Variants in DIAPH2 observed in about 807,000 individuals in gnomAD.
DIAPH2 encodes the protein protein diaphanous homolog 2.
Under a neutral mutation model 92.7 loss-of-function variants are expected in DIAPH2, and 35 were observed. The ratio of observed to expected loss-of-function variants is 0.38; its 90% CI spans 0.29 to 0.50. The LOEUF (loss-of-function observed/expected upper bound fraction) is 0.50. Among genes scored for constraint, DIAPH2 ranks in the 20% least tolerant of loss-of-function variants. The pLI is 0.94. For synonymous variants in DIAPH2, 301 were observed against 280.4 expected (o/e 1.07, Z -0.73); for missense variants, 701 against 819.5 (o/e 0.86, Z 1.77).
intron 2 of DIAPH2, among the ~76,000 whole-genome samples, chrX:96,737,079 G>T (rs2064092277): frequency 1.8e-5 from 2 of 111,937 alleles, no homozygotes; most frequent in South Asian, 3.7e-4. Context: ...ATGATTAGAA[G>T]AAATGAATCT....
chrX:97,039,210 G>A (rs1047725903), intron 17 of DIAPH2, among the ~76,000 whole-genome samples: 8 of 110,576 alleles, frequency 7.2e-5, no homozygotes, highest in Non-Finnish European at 1.1e-4. Context: ...TTGACCATTC[G>A]TTTTCGTCTA....
chrX:96,843,074 G>A (rs1445873683), intron 4 of DIAPH2, among the ~76,000 whole-genome samples: 1 of 111,404 alleles, frequency 9.0e-6, no homozygotes, highest in African/African-American at 3.3e-5. Context: ...GGGCCTGGTG[G>A]GATGTGATTG....
intron 17 of DIAPH2, among the ~76,000 whole-genome samples, chrX:97,033,058 T>C (rs764059255): frequency 3.7e-4 from 41 of 111,825 alleles, no homozygotes; most frequent in African/African-American, 1.3e-3. Flanking sequence ...TTCTGTATTT[T>C]GAAAGTCTCA....
At chrX:97,417,557 C>T (rs774966629) in intron 25 of DIAPH2, among the ~76,000 whole-genome samples, 49 of 111,690 alleles carry the variant, frequency 4.4e-4, no homozygotes, top group Non-Finnish European at 7.2e-4. Flanking sequence ...TGCCTGTAAT[C>T]CCAGCTACTT....
intron 23 of DIAPH2, among the ~76,000 whole-genome samples, chrX:97,337,905 G>A (rs919458507): frequency 1.3e-4 from 13 of 99,234 alleles, no homozygotes; most frequent in East Asian, 3.1e-4. Flanking sequence ...ACTGAGTTTC[G>A]CTCGTTGCTC....
chrX:96,964,992 G>T, intron 16 of DIAPH2, 101 bp from the exon 17 acceptor site: 1 of 865,756 alleles, frequency 1.2e-6, no homozygotes. Context: ...GAGGATAGAG[G>T]AATAAAGGAA....
chrX:96,728,324 C>T (rs2064034351), intron 1 of DIAPH2, among the ~76,000 whole-genome samples: 1 of 110,053 alleles, frequency 9.1e-6, no homozygotes, highest in South Asian at 4.0e-4. Flanking sequence ...ATTCTCCTGC[C>T]TCAGTCTCCC....
intron 26 of DIAPH2, among the ~76,000 whole-genome samples, chrX:97,588,376 C>T (rs780894502): frequency 3.6e-5 from 4 of 111,468 alleles, no homozygotes; most frequent in Admixed American, 2.9e-4. Context: ...CCTTTCCACC[C>T]CACACTGCCT....
chrX:96,858,209 A>T (rs2065052082), intron 4 of DIAPH2, among the ~76,000 whole-genome samples: 1 of 111,839 alleles, frequency 8.9e-6, no homozygotes. Context: ...AGGTAAAATC[A>T]TTCATGGTGG....
intron 25 of DIAPH2, among the ~76,000 whole-genome samples, chrX:97,391,854 C>T (rs1317724624): frequency 1.8e-5 from 2 of 111,116 alleles, no homozygotes; most frequent in African/African-American, 6.5e-5. Flanking sequence ...ATTTGATCAA[C>T]TGAGCTCAGA....
intron 23 of DIAPH2, among the ~76,000 whole-genome samples, chrX:97,315,462 T>A (rs889508554): frequency 2.3e-4 from 25 of 110,987 alleles, no homozygotes; most frequent in African/African-American, 7.5e-4. Context: ...ACCCAAGGGG[T>A]TTCCATCAAG....
chrX:96,949,504 T>C (rs1256350472), intron 15 of DIAPH2, among the ~76,000 whole-genome samples: 3 of 109,286 alleles, frequency 2.7e-5, no homozygotes, highest in Non-Finnish European at 5.7e-5. Flanking sequence ...TTCAAACTGA[T>C]TGTGTATTCT....
At chrX:97,094,503 T>C (rs2066851276) in intron 19 of DIAPH2, among the ~76,000 whole-genome samples, 1 of 112,187 alleles carries the variant, frequency 8.9e-6, no homozygotes, top group South Asian at 3.7e-4. Flanking sequence ...AAATAGTGAC[T>C]GCATGTTGAG....
At chrX:96,723,650 C>T (rs1202192092) in intron 1 of DIAPH2, among the ~76,000 whole-genome samples, 1 of 111,796 alleles carries the variant, frequency 8.9e-6, no homozygotes, top group Non-Finnish European at 1.9e-5. Flanking sequence ...AACTTTGTTT[C>T]TGTAAGAAAA....
intron 24 of DIAPH2, among the ~76,000 whole-genome samples, chrX:97,349,044 A>G (rs5921795): frequency 9.7e-6 from 1 of 103,281 alleles, no homozygotes; most frequent in Admixed American, 1.1e-4. Flanking sequence ...GTGTATATAT[A>G]TGTGTATTTA....
chrX:97,522,919 G>T lies in DIAPH2; in HGVS notation c.3242-76334G>T, dbSNP rs371038780. Among the ~76,000 whole-genome samples the T allele has an allele frequency of 5.7e-4, 64 of 112,318 alleles. 1 individual carries two copies. The highest frequency in any genetic ancestry group is 4.6e-3 in the Middle Eastern group (1 of 217). The stretch of plus-strand genomic sequence containing the variant: ...CTAAGGGCACAAGAAAATGGAGCTG[G>T]TAATCACAAGCAAATAATGCAAGAC... On this transcript the variant is annotated intron_variant, in intron 26 of 26. Transcript: ENST00000324765.
chrX:97,353,143 G>A (rs185715843), intron 24 of DIAPH2, among the ~76,000 whole-genome samples: 2 of 110,749 alleles, frequency 1.8e-5, no homozygotes, highest in East Asian at 5.6e-4. Context: ...CTTCATAAGT[G>A]TATACAAATA....
intron 4 of DIAPH2, among the ~76,000 whole-genome samples, chrX:96,848,619 C>CT (rs1024158545): frequency 1.8e-5 from 2 of 111,689 alleles, no homozygotes; most frequent in Admixed American, 9.5e-5. Context: ...AGCAATGGCA[C>CT]TTTTTTTGTT....
chrX:96,941,667 TATCC>T (rs1249336417), intron 12 of DIAPH2, among the ~76,000 whole-genome samples: 2 of 111,423 alleles, frequency 1.8e-5, no homozygotes, highest in Non-Finnish European at 3.8e-5. Flanking sequence ...ACCATTTCTG[TATCC>T]ATGAATGTAG....
Sources: gnomAD v4.1 joint callset for allele counts (sites outside exome capture counted in the v4.1 genomes callset) on GRCh38, gnomAD v4.1.1 for gene constraint, MANE v1.5 for transcripts, NCBI Gene and HGNC (gene_info 2026-07-23, HGNC 2026-07-21) for gene names.